Variants in APBB3 observed in about 807,000 individuals in gnomAD.
APBB3 encodes the protein amyloid beta precursor protein binding family B member 3.
A neutral mutation model predicts 61.5 loss-of-function variants in APBB3; 50 were observed. The ratio of observed to expected loss-of-function variants is 0.81; its 90% CI spans 0.65 to 1.03. The LOEUF (loss-of-function observed/expected upper bound fraction) is 1.03, where lower values mean the gene tolerates loss of function less well. Ranked by LOEUF, APBB3 falls within the 50% of genes least tolerant of loss-of-function variation. The pLI is 0.00. For synonymous variants in APBB3, 235 were observed against 233.0 expected (o/e 1.01, Z -0.08); for missense variants, 550 against 637.4 (o/e 0.86, Z 1.48).
chr5:140,564,296 C>A lies in APBB3; in HGVS notation c.-51G>T. 1 of 1,598,592 alleles carries A rather than the reference C, an allele frequency of 6.3e-7. No individual in the cohort carries two copies. Among genetic ancestry groups the A allele is most frequent in the Non-Finnish European group, 8.5e-7 (1 of 1,177,502 alleles). Reference sequence around the variant, plus strand: ...CTGCCGGCCCGCACTCTCAGCCCAGCGCGACCTCTGGAGCTACTGCGCCTG... The same window carrying A: ...CTGCCGGCCCGCACTCTCAGCCCAGAGCGACCTCTGGAGCTACTGCGCCTG... On this transcript the variant is annotated 5_prime_UTR_variant, in exon 1 of 13. Transcript: ENST00000357560. The surrounding 1 kb of genome is among the most constrained non-coding windows in gnomAD (Gnocchi z 5.0).
chr5:140,563,280 G>T (rs755974095), intron 3 of APBB3: 2 of 412,456 alleles, frequency 4.8e-6, no homozygotes, highest in Non-Finnish European at 8.7e-6. Context: ...AATAGAACAG[G>T]GTCCAATATG....
At position 140,560,605 on chromosome 5, in the gene APBB3, C is replaced by G. The variant is rs73267682; in HGVS notation, c.1032+34G>C. 1 of 1,612,370 alleles carries G rather than the reference C, an allele frequency of 6.2e-7. No homozygotes were observed. The highest frequency in any genetic ancestry group is 1.7e-5 in the Admixed American group (1 of 59,968). Reference sequence around the variant, plus strand: ...GACCCCTCAGCATCCCTGCTCACCCCTCCAAAGCCCCCAACTTCACCCTCT... The same window carrying G: ...GACCCCTCAGCATCCCTGCTCACCCGTCCAAAGCCCCCAACTTCACCCTCT... On this transcript the variant is annotated intron_variant, in intron 11 of 12. Coordinates refer to ENST00000357560, the MANE Select transcript of APBB3 (RefSeq NM_133173.3). The surrounding 1 kb of genome is among the most constrained non-coding windows in gnomAD (Gnocchi z 5.1).
intron 9 of APBB3, 96 bp from the exon 10 acceptor site, chr5:140,561,197 G>T: frequency 6.6e-7 from 1 of 1,507,432 alleles, no homozygotes. Flanking sequence ...AGCTGGTGCT[G>T]GTAGAAGAAA....
Position 140,564,103 on chromosome 5 carries a change from T to A in APBB3, c.49+94A>T, listed in dbSNP as rs777089251. The A allele has an allele frequency of 1.8e-5, 28 of 1,560,740 alleles. No individual in the cohort carries two copies. The highest frequency in any genetic ancestry group is 1.7e-4 in the Middle Eastern group (1 of 5,972). The stretch of plus-strand genomic sequence containing the variant: ...GCCCCCTGGTCCCTACACAGAGAGG[T>A]ATCCCCCACCGTCTTTGAGCCCCAG... On this transcript the variant is annotated intron_variant, in intron 1 of 12. Transcript: ENST00000357560. The surrounding 1 kb of genome is among the most constrained non-coding windows in gnomAD (Gnocchi z 5.0).
At chr5:140,561,928 T>G in intron 6 of APBB3, 79 bp from the exon 7 acceptor site, 1 of 1,612,212 alleles carries the variant, frequency 6.2e-7, no homozygotes, top group Non-Finnish European at 8.5e-7. Context: ...CCTGCTGAGC[T>G]GGGCCCACCC....
Position 140,560,807 on chromosome 5 carries a change from G to C in APBB3, c.917-53C>G. The C allele has an allele frequency of 6.5e-7, 1 of 1,538,158 alleles. No individual in the cohort carries two copies. The highest frequency in any genetic ancestry group is 9.0e-7 in the Non-Finnish European group (1 of 1,112,954). On this transcript the variant is annotated intron_variant, in intron 10 of 12. Transcript: ENST00000357560. The surrounding 1 kb of genome is among the most constrained non-coding windows in gnomAD (Gnocchi z 5.1). Reference sequence around the variant, plus strand: ...CAGTGTAAAAGAAAGAGTCTGCAGGGAGTGTCTAGCCCCCTCTCACTGATT... The same window carrying C: ...CAGTGTAAAAGAAAGAGTCTGCAGGCAGTGTCTAGCCCCCTCTCACTGATT...
In APBB3 at chr5:140,564,309, G is replaced by GAGTA. The variant is rs1755114503; in HGVS notation, c.-65_-64insTACT. On this transcript the variant is annotated 5_prime_UTR_variant, in exon 1 of 13. Transcript: ENST00000357560. The surrounding 1 kb of genome is among the most constrained non-coding windows in gnomAD (Gnocchi z 5.0). The stretch of plus-strand genomic sequence containing the variant: ...CTCTCAGCCCAGCGCGACCTCTGGA[G>GAGTA]CTACTGCGCCTGCAAGCCCAGCCTC... The GAGTA allele has an allele frequency of 6.3e-7, 1 of 1,584,132 alleles. No homozygotes were observed.
At chr5:140,562,567 ACTCC>A in intron 4 of APBB3, 68 bp from the exon 5 acceptor site, 1 of 1,608,812 alleles carries the variant, frequency 6.2e-7, no homozygotes, top group South Asian at 1.1e-5. Flanking sequence ...CACAATACAT[ACTCC>A]CTGTCTTCAC....
chr5:140,558,903 C>A, intron 12 of APBB3, 82 bp from the exon 13 acceptor site: 1 of 1,270,378 alleles, frequency 7.9e-7, no homozygotes, highest in Non-Finnish European at 1.1e-6. Flanking sequence ...GGGAACTGGC[C>A]AAAGCTTCTG....
At chr5:140,562,955 G>A (rs976227620) in intron 3 of APBB3, 4 of 542,018 alleles carry the variant, frequency 7.4e-6, no homozygotes, top group African/African-American at 3.8e-5. Context: ...TAGAATAAAA[G>A]TCACAAGGCT....
In APBB3 at chr5:140,562,150, G is replaced by A. The variant is rs1365561768; in HGVS notation, c.576C>T (p.Cys192=). ...VNPLDHSLIH[C]QPLVHIRVWG... is the part of the protein sequence containing the mutation. ...ACACACGGATGTGCACCAGAGGCTGGCAGTGGATCAGACTGTGGTCCAGGG... is the reference window on the plus strand; with the variant it reads ...ACACACGGATGTGCACCAGAGGCTGACAGTGGATCAGACTGTGGTCCAGGG... The change falls in exon 6 of 13, where the codon TGC becomes TGT. Residue 192 remains cysteine, a synonymous_variant. Transcript: ENST00000357560. 6.2e-7 allele frequency: 1 copy of A among 1,614,192 alleles called. No individual in the cohort carries two copies. The highest frequency in any genetic ancestry group is 8.5e-7 in the Non-Finnish European group (1 of 1,180,028).
chr5:140,558,410 G>A lies in APBB3; in HGVS notation c.*175C>T. 2.6e-6 allele frequency: 2 copies of A among 759,834 alleles called. No individual in the cohort carries two copies. The highest frequency in any genetic ancestry group is 2.3e-6 in the Non-Finnish European group (1 of 433,654). 47.1% of individuals were successfully genotyped at this position (759,834 alleles called of 1,614,324 possible). Reference sequence around the variant, plus strand: ...CCAGGGTCCTACGTTGTGGTGCAGTGCCTCCCAGTCATCCGTATAAACAAT... The same window carrying A: ...CCAGGGTCCTACGTTGTGGTGCAGTACCTCCCAGTCATCCGTATAAACAAT... On this transcript the variant is annotated 3_prime_UTR_variant, in exon 13 of 13. Transcript: ENST00000357560.
At position 140,563,690 on chromosome 5, in the gene APBB3, C is replaced by G; in HGVS notation, c.214-20G>C. Reference sequence around the variant, plus strand: ...CGTTCCCTGTAGAGTGGGAGTTAGTCAGTTTAACAGCAGACCTAGGTCCAC... The same window carrying G: ...CGTTCCCTGTAGAGTGGGAGTTAGTGAGTTTAACAGCAGACCTAGGTCCAC... On this transcript the variant is annotated intron_variant, in intron 2 of 12. Transcript: ENST00000357560. 1.2e-6 allele frequency: 2 copies of G among 1,614,030 alleles called. No individual in the cohort carries two copies. The highest frequency in any genetic ancestry group is 1.1e-5 in the South Asian group (1 of 91,052).
rs34920898 is a variant in APBB3, at chr5:140,562,390, C to A, written c.461G>T (p.Arg154Leu). 1.2e-6 allele frequency: 2 copies of A among 1,614,142 alleles called. No homozygotes were observed. The highest frequency in any genetic ancestry group is 2.2e-5 in the East Asian group (1 of 44,878). Residue 154 changes from arginine (R) to leucine (L), a missense_variant, in exon 5 of 13, where the codon CGC (arginine) becomes CTC (leucine). By Grantham distance (102) the Arg-to-Leu change is moderately radical. This residue lies in a region of APBB3 where 405 missense variants were observed against 483.4 expected (regional missense o/e 0.84). Coordinates refer to ENST00000357560, the MANE Select transcript of APBB3 (RefSeq NM_133173.3). ...NNCIQQLAQT[R>L]SRSQPPDGAW... Reference sequence around the variant, plus strand: ...ACCATCTGGAGGCTGGCTCCGGCTGCGGGTCTGGGCCAGCTGCTGGATACA... The same window carrying A: ...ACCATCTGGAGGCTGGCTCCGGCTGAGGGTCTGGGCCAGCTGCTGGATACA...
chr5:140,560,315 T>C lies in APBB3; in HGVS notation c.1222A>G (p.Met408Val). 8 of 1,608,718 alleles carry C rather than the reference T, an allele frequency of 5.0e-6. No individual in the cohort carries two copies. Among genetic ancestry groups the C allele is most frequent in the Non-Finnish European group, 6.8e-6 (8 of 1,179,110 alleles). ...GLSEAVQAAC[M>V]VQYQKCLVAS... ...ACCCATTCCCACCCATGACTCACCA[T>C]ACAGGCAGCCTGCACAGCTTCAGAG... The change falls in exon 12 of 13, where the codon ATG becomes GTG. Residue 408 changes from methionine to valine, a missense_variant and splice_region_variant. Physicochemically the swap from Met to Val is conservative, Grantham distance 21 (BLOSUM62 1). This residue lies in a region of APBB3 where 138 missense variants were observed against 132.6 expected (regional missense o/e 1.04). Coordinates refer to ENST00000357560, the MANE Select transcript of APBB3 (RefSeq NM_133173.3). This position sits in a 1 kb window ranked among gnomAD's most constrained non-coding sequence, Gnocchi z 5.1.
At position 140,558,606 on chromosome 5, in the gene APBB3, G is replaced by C. The variant is rs1366575731; in HGVS notation, c.1440C>G (p.Pro480=). The C allele has an allele frequency of 1.2e-6, 2 of 1,614,190 alleles. No homozygotes were observed. The highest frequency in any genetic ancestry group is 1.7e-5 in the Admixed American group (1 of 60,020). The stretch of plus-strand genomic sequence containing the variant: ...AAGTTTAGGGCATATGGAGCAGAGA[G>C]GGTTTCAGCCGGAAGGCATCAAGAA... ...FSFLDAFRLK[P]SLLHMP Residue 480 remains proline, a synonymous_variant, in exon 13 of 13, where the codon CCC becomes CCG. Transcript: ENST00000357560.
rs1350984579 is a variant in APBB3, at chr5:140,561,276, A to G, written c.832+89T>C. 4 of 1,528,544 alleles carry G rather than the reference A, an allele frequency of 2.6e-6. No individual in the cohort carries two copies. In the African/African-American group the frequency reaches 4.1e-5, roughly 16 times the overall value. The allele number at this position is 1,528,544 out of a possible 1,614,324, so 94.7% of individuals were successfully genotyped here. A position where few individuals can be genotyped will look rare whatever the true frequency, so the allele number is the denominator to read the frequency against. On this transcript the variant is annotated intron_variant, in intron 9 of 12. Coordinates refer to ENST00000357560, the MANE Select transcript of APBB3 (RefSeq NM_133173.3). ...GACCAGACATCTCAGAAATTTATCC[A>G]CAGAAGTATTAAATAACCAGAAATC...
Position 140,564,014 on chromosome 5 carries a change from TCTTAG to T in APBB3, c.50-104_50-100del, listed in dbSNP as rs1254088352. The T allele has an allele frequency of 6.6e-7, 1 of 1,512,282 alleles. No homozygotes were observed. The highest frequency in any genetic ancestry group is 8.9e-7 in the Non-Finnish European group (1 of 1,119,672). 93.7% of individuals were successfully genotyped at this position (1,512,282 alleles called of 1,614,324 possible). A position where few individuals can be genotyped will look rare whatever the true frequency, so the allele number is the denominator to read the frequency against. Reference sequence around the variant, plus strand: ...CTCTCCATCCCCAAAATGGGTCAGTTCTTAGGCTGAAGATCCAGGCTCCTCAATCT... The same window carrying T: ...CTCTCCATCCCCAAAATGGGTCAGTTGCTGAAGATCCAGGCTCCTCAATCT... On this transcript the variant is annotated intron_variant, in intron 1 of 12. Coordinates refer to ENST00000357560, the MANE Select transcript of APBB3 (RefSeq NM_133173.3). The surrounding 1 kb of genome is among the most constrained non-coding windows in gnomAD (Gnocchi z 5.0).
At position 140,560,717 on chromosome 5, in the gene APBB3, G is replaced by A. The variant is rs1800882; in HGVS notation, c.954C>T (p.Thr318=). 0.029 allele frequency: 46,380 copies of A among 1,614,116 alleles called. 3,775 individuals are homozygous for A. In the East Asian group the frequency reaches 0.37, roughly 13 times the overall value. Residue 318 remains threonine (T), a synonymous_variant, in exon 11 of 13, where the codon ACC becomes ACT. Coordinates refer to ENST00000357560, the MANE Select transcript of APBB3 (RefSeq NM_133173.3). The surrounding 1 kb of genome is among the most constrained non-coding windows in gnomAD (Gnocchi z 5.1). ...CCCAGGCATTCCGGTCCCCCCTGGCGGTGAGGGTACCAATGGCCTCGTTCA... is the reference window on the plus strand; with the variant it reads ...CCCAGGCATTCCGGTCCCCCCTGGCAGTGAGGGTACCAATGGCCTCGTTCA... The part of the protein sequence containing the change: ...DVLNEAIGTL[T]ARGDRNAWVP...
Sources: gnomAD v4.1 joint callset for allele counts on GRCh38, gnomAD v4.1.1 for gene constraint, gnomAD v4.1.1 regional missense constraint, Gnocchi (gnomAD v3.1) non-coding constraint, MANE v1.5 for transcripts, NCBI Gene and HGNC (gene_info 2026-07-23, HGNC 2026-07-21) for gene names.